ULK4: variants seen among roughly 807,000 people sequenced by gnomAD.
ULK4 encodes inactive serine/threonine-protein kinase ULK4.
Under a neutral mutation model 160.6 loss-of-function variants are expected in ULK4, and 133 were observed. That is an observed-to-expected ratio of 0.83 (90% CI 0.72 to 0.96). The LOEUF (loss-of-function observed/expected upper bound fraction) is 0.96. ULK4 is among the 40% of genes least tolerant of loss of function. ULK4 has a pLI of 0.00. For missense variants in ULK4, 1,580 were observed against 1,499.5 expected (o/e 1.05, Z -0.89); for synonymous variants, 534 against 539.8 (o/e 0.99, Z 0.15).
chr3:41,605,955 C>T (rs1027381482), intron 31 of ULK4, among the ~76,000 whole-genome samples: 1 of 151,962 alleles, frequency 6.6e-6, no homozygotes. Flanking sequence ...ATCTGACAGT[C>T]CCCCAAATAC....
intron 31 of ULK4, among the ~76,000 whole-genome samples, chr3:41,569,204 T>C (rs184133804): frequency 6.0e-4 from 91 of 152,258 alleles, no homozygotes; most frequent in Non-Finnish European, 1.1e-3. Context: ...AGTTTTGTTA[T>C]GTAGGCAAGA....
intron 19 of ULK4, among the ~76,000 whole-genome samples, chr3:41,805,778 G>C (rs1179336044): frequency 6.9e-6 from 1 of 144,664 alleles, no homozygotes; most frequent in Admixed American, 6.9e-5. Context: ...TTATATGCTG[G>C]ATTACATTTA....
chr3:41,603,140 T>C (rs2032199044), intron 31 of ULK4, among the ~76,000 whole-genome samples: 1 of 151,920 alleles, frequency 6.6e-6, no homozygotes, highest in African/African-American at 2.4e-5. Context: ...GGAGATACCA[T>C]GCAAACATTA....
intron 31 of ULK4, among the ~76,000 whole-genome samples, chr3:41,598,339 C>T (rs1376100000): frequency 6.6e-6 from 1 of 152,172 alleles, no homozygotes; most frequent in African/African-American, 2.4e-5. Context: ...AGCTATCAAA[C>T]ATTGTTTGGT....
intron 18 of ULK4, among the ~76,000 whole-genome samples, chr3:41,831,418 G>T (rs991214958): frequency 2.2e-5 from 3 of 137,564 alleles, no homozygotes; most frequent in South Asian, 2.3e-4. Flanking sequence ...TATACTAGTC[G>T]TTTTTTTTTT....
intron 22 of ULK4, among the ~76,000 whole-genome samples, chr3:41,728,931 C>T (rs2037737764): frequency 6.6e-6 from 1 of 152,028 alleles, no homozygotes; most frequent in Non-Finnish European, 1.5e-5. Flanking sequence ...ACACACAATG[C>T]CTATGATGAC....
intron 32 of ULK4, among the ~76,000 whole-genome samples, chr3:41,515,485 A>C (rs902906326): frequency 2.2e-4 from 34 of 152,166 alleles, no homozygotes; most frequent in Admixed American, 2.2e-3. Context: ...TGCTGCTATA[A>C]AAAATTGCCC....
intron 32 of ULK4, among the ~76,000 whole-genome samples, chr3:41,474,449 G>A (rs946878252): frequency 6.6e-6 from 1 of 151,776 alleles, no homozygotes; most frequent in Non-Finnish European, 1.5e-5. Flanking sequence ...CACTATTCTG[G>A]GCAGTAACTT....
chr3:41,824,043 G>A (rs2041246126), intron 18 of ULK4, among the ~76,000 whole-genome samples: 1 of 151,660 alleles, frequency 6.6e-6, no homozygotes, highest in Admixed American at 6.6e-5. Flanking sequence ...TACACTTGAA[G>A]TCCAAGCTAC....
intron 19 of ULK4, among the ~76,000 whole-genome samples, 191 bp from the exon 20 acceptor site, chr3:41,800,484 T>C (rs988457822): frequency 1.3e-5 from 2 of 152,202 alleles, no homozygotes; most frequent in Non-Finnish European, 2.9e-5. Context: ...GGTTATTCAC[T>C]AGCAAGCTAT....
intron 35 of ULK4, among the ~76,000 whole-genome samples, chr3:41,315,600 T>C (rs1295014132): frequency 6.6e-6 from 1 of 152,184 alleles, no homozygotes; most frequent in Non-Finnish European, 1.5e-5. Context: ...TCTGTGGCAT[T>C]TCAACCACAG....
At chr3:41,734,124 C>G (rs535269924) in intron 22 of ULK4, among the ~76,000 whole-genome samples, 20 of 152,030 alleles carry the variant, frequency 1.3e-4, no homozygotes, top group Non-Finnish European at 2.8e-4. Context: ...GCAGGAAGAT[C>G]AGTTAGGAGA....
chr3:41,311,007 A>ATAAT (rs2080038046), intron 35 of ULK4, among the ~76,000 whole-genome samples: 2 of 151,318 alleles, frequency 1.3e-5, no homozygotes, highest in African/African-American at 4.9e-5. Flanking sequence ...AAAAATAATA[A>ATAAT]TAATAAATAA....
chr3:41,561,492 C>A (rs1197909763), intron 32 of ULK4, among the ~76,000 whole-genome samples: 2 of 152,124 alleles, frequency 1.3e-5, no homozygotes, highest in Non-Finnish European at 2.9e-5. Context: ...TTCATCTTGT[C>A]CTGGACTTTT....
chr3:41,856,621 A>ATG (rs1226397845), intron 17 of ULK4, among the ~76,000 whole-genome samples: 1 of 122,878 alleles, frequency 8.1e-6, no homozygotes, highest in Non-Finnish European at 1.6e-5. Flanking sequence ...ATATACACAT[A>ATG]TATATATATG....
Position 41,708,033 on chromosome 3 carries a change from T to C in ULK4, c.2635-2728A>G, listed in dbSNP as rs180764825. Among the ~76,000 whole-genome samples the C allele has an allele frequency of 1.6e-3, 248 of 151,960 alleles. 2 individuals carry two copies. Among genetic ancestry groups the C allele is most frequent in the African/African-American group, 5.8e-3 (241 of 41,438 alleles). On this transcript the variant is annotated intron_variant, in intron 25 of 36. Coordinates refer to ENST00000301831, the MANE Select transcript of ULK4 (RefSeq NM_017886.4). ...GATAACAAGGACCAGTGAGGATGTA[T>C]AGAAAAGGGAACTCTTGCACACTGT... is the stretch of plus-strand genomic sequence containing the variant.
intron 31 of ULK4, among the ~76,000 whole-genome samples, chr3:41,590,158 A>C (rs895817761): frequency 1.3e-5 from 2 of 151,580 alleles, no homozygotes; most frequent in African/African-American, 2.4e-5. Context: ...GCCTGCCACC[A>C]CGCCCAGCTA....
At chr3:41,496,201 C>G (rs2084982098) in intron 32 of ULK4, among the ~76,000 whole-genome samples, 1 of 152,036 alleles carries the variant, frequency 6.6e-6, no homozygotes, top group Non-Finnish European at 1.5e-5. Context: ...ATATAAGTCA[C>G]TCTTAAATAA....
intron 35 of ULK4, among the ~76,000 whole-genome samples, chr3:41,371,047 A>C (rs1433910981): frequency 2.6e-5 from 4 of 152,172 alleles, no homozygotes; most frequent in Admixed American, 6.5e-5. Flanking sequence ...AACTGGGCAG[A>C]GCCCACCGCA....
Sources: gnomAD v4.1 joint callset for allele counts (sites outside exome capture counted in the v4.1 genomes callset) on GRCh38, gnomAD v4.1.1 for gene constraint, MANE v1.5 for transcripts, NCBI Gene and HGNC (gene_info 2026-07-23, HGNC 2026-07-21) for gene names.